The following STOX2 variants were observed in gnomAD, a reference collection of about 807,000 sequenced individuals.
The protein encoded by STOX2 is storkhead box 2.
STOX2 carries 28 observed loss-of-function variants against 60.9 expected under a neutral mutation model. That is an observed-to-expected ratio of 0.46 (90% CI 0.34 to 0.63). The LOEUF is 0.63. Ranked by LOEUF, STOX2 falls within the 30% of genes least tolerant of loss-of-function variation. The probability of loss-of-function intolerance (pLI) is 0.01; values close to 1 mark genes in which losing one functional copy is unlikely to be tolerated. For synonymous variants in STOX2, 472 were observed against 463.9 expected, an observed-to-expected ratio of 1.02 and a Z score of -0.22; for missense variants, 1,024 against 1,187.7, an observed-to-expected ratio of 0.86 and a Z score of 2.03.
At chr4:183,851,521 C>G (rs370911833) in intron 1 of STOX2, among the ~76,000 whole-genome samples, 1,641 of 11,992 alleles carry the variant, frequency 0.14, no homozygotes, top group East Asian at 0.22. Context: ...ATGAGAGAAA[C>G]GATGAGGGAA....
chr4:183,935,323 A>T (rs937009470), intron 1 of STOX2, among the ~76,000 whole-genome samples: 1 of 152,254 alleles, frequency 6.6e-6, no homozygotes, highest in African/African-American at 2.4e-5. Flanking sequence ...CCCAGAGGGT[A>T]TCACCCTGTT....
At chr4:183,805,190 A>G (rs1738858109) in intron 1 of STOX2, among the ~76,000 whole-genome samples, 1 of 152,222 alleles carries the variant, frequency 6.6e-6, no homozygotes, top group African/African-American at 2.4e-5. Context: ...TCACCTTAAA[A>G]ATAAAATTTT....
At chr4:183,952,947 C>T (rs1434080982) in intron 1 of STOX2, among the ~76,000 whole-genome samples, 1 of 152,006 alleles carries the variant, frequency 6.6e-6, no homozygotes, top group South Asian at 2.1e-4. Context: ...AACAGAAAAC[C>T]AAACACCACA....
chr4:183,867,002 T>A (rs1297022878), intron 1 of STOX2, among the ~76,000 whole-genome samples: 1 of 152,156 alleles, frequency 6.6e-6, no homozygotes, highest in East Asian at 1.9e-4. Flanking sequence ...TAGAAAAAGG[T>A]CATCTCTTGT....
chr4:183,859,769 A>G (rs1275432751), intron 1 of STOX2, among the ~76,000 whole-genome samples: 2 of 152,362 alleles, frequency 1.3e-5, no homozygotes, highest in East Asian at 3.9e-4. Context: ...TGTCACTGGG[A>G]TGATCCAAAT....
intron 1 of STOX2, among the ~76,000 whole-genome samples, chr4:183,848,026 C>T (rs568637750): frequency 2.4e-4 from 37 of 152,314 alleles, no homozygotes; most frequent in Admixed American, 1.2e-3. Flanking sequence ...ACTGGCCCAG[C>T]TTCAGGCACC....
intron 1 of STOX2, among the ~76,000 whole-genome samples, chr4:183,801,775 G>A (rs1045534693): frequency 1.8e-4 from 28 of 152,272 alleles, no homozygotes; most frequent in Non-Finnish European, 3.4e-4. Flanking sequence ...GTGGGAGAGG[G>A]CCAGATGTGA....
rs367792768 is a variant in STOX2 at position 183,972,161 on chromosome 4, G to A, written c.167-29164G>A. Among the ~76,000 whole-genome samples, 10 of 152,308 alleles carry A rather than the reference G, an allele frequency of 6.6e-5. No individual in the cohort carries two copies. The East Asian group carries it at 7.7e-4, about 12-fold the overall frequency. On this transcript the variant is annotated intron_variant, in intron 1 of 3. Coordinates refer to ENST00000308497, the MANE Select transcript of STOX2 (RefSeq NM_020225.3). ...GCTGGGCAGACATCCAAAACTGTGCGTGCTGGGGGAGGAGGATTTCCTTCT... is the reference window on the plus strand; with the variant it reads ...GCTGGGCAGACATCCAAAACTGTGCATGCTGGGGGAGGAGGATTTCCTTCT...
intron 1 of STOX2, among the ~76,000 whole-genome samples, chr4:183,919,925 A>G (rs1368320829): frequency 6.6e-6 from 1 of 151,862 alleles, no homozygotes; most frequent in African/African-American, 2.4e-5. Flanking sequence ...TTTATTGAGC[A>G]TGTACTTGGT....
chr4:183,960,572 G>T lies in STOX2; in HGVS notation c.167-40753G>T, dbSNP rs189845837. Among the ~76,000 whole-genome samples, 4 of 152,282 alleles carry T rather than the reference G, an allele frequency of 2.6e-5. No individual in the cohort carries two copies. In the East Asian group the frequency reaches 7.7e-4, roughly 29 times the overall value. On this transcript the variant is annotated intron_variant, in intron 1 of 3. Coordinates refer to ENST00000308497, the MANE Select transcript of STOX2 (RefSeq NM_020225.3). ...ATTTCATTTGATTGCTGGCATCAGT[G>T]ACAATATCTATTGGTGGATAAATGA...
chr4:183,888,581 C>G (rs1246015732), intron 1 of STOX2, among the ~76,000 whole-genome samples: 2 of 152,144 alleles, frequency 1.3e-5, no homozygotes, highest in Non-Finnish European at 2.9e-5. Context: ...GAGGCTGGTA[C>G]TGAGGCAGCA....
chr4:184,013,876 T>G (rs929618450), intron 3 of STOX2, among the ~76,000 whole-genome samples: 4 of 152,118 alleles, frequency 2.6e-5, no homozygotes, highest in African/African-American at 9.7e-5. Context: ...CGCCTGGAAC[T>G]CCTGGGCTCA....
chr4:183,922,815 C>G lies in STOX2; in HGVS notation c.166+15859C>G, dbSNP rs537914282. Among the ~76,000 whole-genome samples the G allele has an allele frequency of 2.0e-5, 3 of 152,304 alleles. No individual in the cohort carries two copies. In the East Asian group the frequency reaches 5.8e-4, roughly 29 times the overall value. On this transcript the variant is annotated intron_variant, in intron 1 of 3. Coordinates refer to ENST00000308497, the MANE Select transcript of STOX2 (RefSeq NM_020225.3). ...CGGTCCTCCCTACCCTCATCCCCTG[C>G]AACCATCATTCTACTGTCTGTCTCT...
At position 184,009,203 on chromosome 4, in the gene STOX2, C is replaced by T. The variant is rs966906197; in HGVS notation, c.365C>T (p.Thr122Met). 53 of 1,444,282 alleles carry T rather than the reference C, an allele frequency of 3.7e-5. No individual in the cohort carries two copies. The highest frequency in any genetic ancestry group is 4.6e-5 in the Non-Finnish European group (49 of 1,071,062). 89.5% of individuals were successfully genotyped at this position (1,444,282 alleles called of 1,614,324 possible). ...SQEILRHTLNTLVRERKIYPT... is the reference protein window; with the variant it reads ...SQEILRHTLNMLVRERKIYPT... ...GAAATTCTGCGGCACACGCTGAACA[C>T]GCTGGTACGGGAGAGGAAGATCTAC... Residue 122 changes from threonine (T) to methionine (M), a missense_variant, in exon 3 of 4, where the codon ACG (threonine) becomes ATG (methionine). By Grantham distance (81) the Thr-to-Met change is moderately conservative. Coordinates refer to ENST00000308497, the MANE Select transcript of STOX2 (RefSeq NM_020225.3). This position sits in a 1 kb window ranked among gnomAD's most constrained non-coding sequence, Gnocchi z 4.0.
At chr4:183,920,165 G>A (rs1742062442) in intron 1 of STOX2, among the ~76,000 whole-genome samples, 1 of 151,822 alleles carries the variant, frequency 6.6e-6, no homozygotes, top group African/African-American at 2.4e-5. Flanking sequence ...ACCCAGGCTG[G>A]AGCACAGTGG....
In STOX2 at chr4:184,023,003, G is replaced by C. The variant is rs947620831; in HGVS notation, c.*5719G>C. 2 of 152,188 alleles carry C rather than the reference G, an allele frequency of 1.3e-5. No individual in the cohort carries two copies. The highest frequency in any genetic ancestry group is 2.9e-5 in the Non-Finnish European group (2 of 68,030). The allele number at this position is 152,188 out of a possible 1,614,324, so 9.4% of individuals were successfully genotyped here. On this transcript the variant is annotated 3_prime_UTR_variant, in exon 4 of 4. Transcript: ENST00000308497. ...ATTAAATTTAAACGTCAAGTTTAAA[G>C]GGATCATAATTCTGCAGGTATCTTT...
At chr4:183,882,200 T>C (rs570330540) in intron 1 of STOX2, among the ~76,000 whole-genome samples, 1 of 152,306 alleles carries the variant, frequency 6.6e-6, no homozygotes, top group Non-Finnish European at 1.5e-5. Context: ...AAAATGGAAT[T>C]TGGGAAACTG....
At chr4:183,919,714 TC>T (rs1194059885) in intron 1 of STOX2, among the ~76,000 whole-genome samples, 2 of 151,932 alleles carry the variant, frequency 1.3e-5, no homozygotes, top group Non-Finnish European at 1.5e-5. Context: ...CAAGCAATCC[TC>T]CCCCCTCGGC....
chr4:183,834,007 T>TGAGAAGG (rs1739642018), intron 1 of STOX2, among the ~76,000 whole-genome samples: 1 of 144,610 alleles, frequency 6.9e-6, no homozygotes, highest in Non-Finnish European at 1.5e-5. Context: ...AAAAAGAATG[T>TGAGAAGG]GAGAAGGTGT....
Sources: allele counts gnomAD v4.1 joint callset (sites outside exome capture counted in the v4.1 genomes callset), GRCh38; gene constraint gnomAD v4.1.1; non-coding constraint Gnocchi (gnomAD v3.1); transcripts MANE v1.5; gene names NCBI Gene and HGNC (gene_info 2026-07-23, HGNC 2026-07-21).